The following ADGRD1 variants were observed in gnomAD, a reference collection of about 807,000 sequenced individuals.
ADGRD1 encodes the protein G-protein coupled receptor 133.
ADGRD1 carries 77 observed loss-of-function variants against 113.4 expected under a neutral mutation model. The observed-to-expected ratio is 0.68, with a 90% CI of 0.57 to 0.82. The LOEUF is 0.82. ADGRD1 is among the 40% of genes least tolerant of loss of function. ADGRD1 has a pLI of 0.00. For synonymous variants in ADGRD1, 474 were observed against 475.0 expected, an observed-to-expected ratio of 1.00 and a Z score of 0.03; for missense variants, 1,036 against 1,139.1, an observed-to-expected ratio of 0.91 and a Z score of 1.30.
chr12:131,107,145 G>C (rs1432787038), intron 17 of ADGRD1, among the ~76,000 whole-genome samples: 2 of 151,846 alleles, frequency 1.3e-5, no homozygotes, highest in Non-Finnish European at 2.9e-5. Flanking sequence ...CTCAATCCCA[G>C]GGAAGGGCTC....
chr12:131,139,331 C>A lies in ADGRD1; in HGVS notation c.*68C>A. 1 of 1,097,330 alleles carries A rather than the reference C, an allele frequency of 9.1e-7. No homozygotes were observed. The highest frequency in any genetic ancestry group is 1.4e-6 in the Non-Finnish European group (1 of 740,632). 68.0% of individuals were successfully genotyped at this position (1,097,330 alleles called of 1,614,324 possible). Reference sequence around the variant, plus strand: ...CCCCCCCAAACAGAATGAAATGCCCCACCTTTGCCCATGGACCCTCTCCTT... The same window carrying A: ...CCCCCCCAAACAGAATGAAATGCCCAACCTTTGCCCATGGACCCTCTCCTT... On this transcript the variant is annotated 3_prime_UTR_variant, in exon 25 of 25. Transcript: ENST00000261654.
At chr12:130,962,877 G>A (rs1255766003) in intron 2 of ADGRD1, 7 of 152,200 alleles carry the variant, frequency 4.6e-5, no homozygotes, top group Non-Finnish European at 7.3e-5. Flanking sequence ...AACAGGACAC[G>A]TGTGGATGTT....
chr12:131,044,347 G>C (rs1411905569), intron 13 of ADGRD1, among the ~76,000 whole-genome samples: 2 of 152,164 alleles, frequency 1.3e-5, no homozygotes, highest in African/African-American at 2.4e-5. Flanking sequence ...GGGTCCGCGC[G>C]TGTTGCTGTC....
chr12:131,023,906 A>G (rs534348771), intron 13 of ADGRD1: 4 of 152,342 alleles, frequency 2.6e-5, no homozygotes, highest in Admixed American at 2.0e-4. Context: ...AGTGACAAAC[A>G]GCAGGGAGAA....
chr12:131,101,978 C>A (rs1243436399), intron 15 of ADGRD1, among the ~76,000 whole-genome samples: 1 of 152,210 alleles, frequency 6.6e-6, no homozygotes, highest in African/African-American at 2.4e-5. Context: ...GGTCTCTTCC[C>A]TTCCTCCTCC....
chr12:130,995,661 C>T (rs530110477), intron 8 of ADGRD1, among the ~76,000 whole-genome samples: 3 of 152,156 alleles, frequency 2.0e-5, no homozygotes, highest in Admixed American at 6.5e-5. Context: ...TCTGATTTTG[C>T]AAGAAAAACC....
At chr12:131,077,213 C>A (rs1057202079) in intron 14 of ADGRD1, among the ~76,000 whole-genome samples, 1 of 151,704 alleles carries the variant, frequency 6.6e-6, no homozygotes, top group Non-Finnish European at 1.5e-5. Context: ...GGCTGTCCCC[C>A]TCGAGGGTCT....
chr12:131,033,367 C>T (rs1881021655), intron 13 of ADGRD1, among the ~76,000 whole-genome samples: 1 of 152,228 alleles, frequency 6.6e-6, no homozygotes, highest in South Asian at 2.1e-4. Context: ...AAGCACTGCC[C>T]AAGCACCACA....
At chr12:131,036,202 G>A (rs1050421774) in intron 13 of ADGRD1, among the ~76,000 whole-genome samples, 1 of 152,008 alleles carries the variant, frequency 6.6e-6, no homozygotes, top group African/African-American at 2.4e-5. Context: ...CACGGGAGGC[G>A]GGGTCTTAAC....
chr12:131,036,318 T>A (rs1881377102), intron 13 of ADGRD1, among the ~76,000 whole-genome samples: 1 of 151,578 alleles, frequency 6.6e-6, no homozygotes, highest in African/African-American at 2.4e-5. Context: ...GCACCGGGTC[T>A]TACTGCACTA....
chr12:131,087,466 C>T (rs1176003204), intron 15 of ADGRD1, among the ~76,000 whole-genome samples: 1 of 152,210 alleles, frequency 6.6e-6, no homozygotes, highest in Non-Finnish European at 1.5e-5. Context: ...CCAAGAAGGG[C>T]CGGCCACGAA....
intron 13 of ADGRD1, chr12:131,026,483 T>G (rs1343587422): frequency 6.6e-6 from 1 of 152,210 alleles, no homozygotes; most frequent in African/African-American, 2.4e-5. Context: ...CCGGAGCGCT[T>G]TCTGACCGTG....
chr12:131,083,130 C>G (rs949199160), intron 14 of ADGRD1, among the ~76,000 whole-genome samples: 1 of 152,162 alleles, frequency 6.6e-6, no homozygotes, highest in African/African-American at 2.4e-5. Flanking sequence ...ATGCTGACAC[C>G]GCAGTTGAAA....
At chr12:130,981,031 A>C (rs1032285829) in intron 4 of ADGRD1, 1 of 152,220 alleles carries the variant, frequency 6.6e-6, no homozygotes, top group Non-Finnish European at 1.5e-5. Context: ...AGTCTTGAAA[A>C]AGGTTTCAGC....
chr12:130,964,259 T>A (rs1781419208), intron 2 of ADGRD1, among the ~76,000 whole-genome samples: 1 of 151,584 alleles, frequency 6.6e-6, no homozygotes, highest in South Asian at 2.1e-4. Context: ...TTTGTTTTAT[T>A]TTATTACATG....
Position 131,066,481 on chromosome 12 carries a change from C to T in ADGRD1, c.1474-10320C>T, listed in dbSNP as rs149879269. Among the ~76,000 whole-genome samples, 1,020 of 152,330 alleles carry T rather than the reference C, an allele frequency of 6.7e-3. 8 individuals carry two copies. Among genetic ancestry groups the T allele is most frequent in the African/African-American group, 0.023 (972 of 41,582 alleles). ...GCCATTGTCCTCGGCCCCCTGTACC[C>T]TCCCTACCGCAGGCCACCTTGTGTG... On this transcript the variant is annotated intron_variant, in intron 13 of 24. Transcript: ENST00000261654.
chr12:131,007,324 T>C (rs1877254719), intron 12 of ADGRD1, among the ~76,000 whole-genome samples: 1 of 152,156 alleles, frequency 6.6e-6, no homozygotes. Flanking sequence ...AGACACTACG[T>C]GGGGAAATGG....
intron 17 of ADGRD1, among the ~76,000 whole-genome samples, chr12:131,107,601 C>T (rs896403308): frequency 6.6e-6 from 1 of 152,226 alleles, no homozygotes; most frequent in Non-Finnish European, 1.5e-5. Flanking sequence ...GATATGCCTA[C>T]AGGGTAAACC....
rs1385118101 is a variant in ADGRD1 at position 130,992,220 on chromosome 12, T to A, written c.811-17T>A. 4 of 1,604,022 alleles carry A rather than the reference T, an allele frequency of 2.5e-6. No homozygotes were observed. The African/African-American group carries it at 4.0e-5, about 16-fold the overall frequency. ...TTTTAGTTCTTAGTAGAAACTCATG[T>A]TGCCAATTTCTTTCAGATGCCCACA... On this transcript the variant is annotated splice_polypyrimidine_tract_variant and intron_variant, in intron 7 of 24. Coordinates refer to ENST00000261654, the MANE Select transcript of ADGRD1 (RefSeq NM_198827.5).
Sources: allele counts gnomAD v4.1 joint callset (sites outside exome capture counted in the v4.1 genomes callset), GRCh38; gene constraint gnomAD v4.1.1; transcripts MANE v1.5; gene names NCBI Gene and HGNC (gene_info 2026-07-23, HGNC 2026-07-21).